The following CCDC3 variants were observed in gnomAD, a reference collection of about 807,000 sequenced individuals.
CCDC3 encodes the protein coiled-coil domain containing 3, also known as coiled-coil domain-containing protein 3.
A neutral mutation model predicts 21.4 loss-of-function variants in CCDC3; 24 were observed. The observed-to-expected ratio is 1.12, with a 90% CI of 0.81 to 1.58. The LOEUF (loss-of-function observed/expected upper bound fraction) is 1.58. CCDC3 is among the 40% of genes most tolerant of loss of function. The probability of loss-of-function intolerance (pLI) is 0.00; values close to 1 mark genes in which losing one functional copy is unlikely to be tolerated. For synonymous variants in CCDC3, 186 were observed against 166.0 expected (o/e 1.12, Z -0.93); for missense variants, 425 against 360.9 (o/e 1.18, Z -1.44).
At chr10:13,082,347 G>A (rs978189360) in intron 3 of CCDC3, among the ~76,000 whole-genome samples, 21 of 152,292 alleles carry the variant, frequency 1.4e-4, no homozygotes, top group African/African-American at 4.6e-4. Context: ...CACAGCTTAC[G>A]CCATTATTTC....
intron 2 of CCDC3, chr10:12,924,929 T>C (rs1834511506): frequency 6.6e-6 from 1 of 152,220 alleles, no homozygotes; most frequent in Non-Finnish European, 1.5e-5. Flanking sequence ...TTAGAGAATT[T>C]CTATGGAGAC....
At chr10:13,018,634 TG>T (rs1307071214) in intron 5 of CCDC3, among the ~76,000 whole-genome samples, 1 of 152,058 alleles carries the variant, frequency 6.6e-6, no homozygotes, top group Admixed American at 6.6e-5. Context: ...GATGGACTAT[TG>T]AAAAATGAAT....
intron 2 of CCDC3, among the ~76,000 whole-genome samples, chr10:12,904,298 C>T (rs1834138009): frequency 6.6e-6 from 1 of 151,602 alleles, no homozygotes; most frequent in Admixed American, 6.6e-5. Flanking sequence ...GAGACCCCAT[C>T]TCTAAAAAAT....
chr10:12,904,606 G>A (rs1834144081), intron 2 of CCDC3, among the ~76,000 whole-genome samples: 1 of 151,616 alleles, frequency 6.6e-6, no homozygotes, highest in Non-Finnish European at 1.5e-5. Context: ...TGGCCTTAAT[G>A]TGGCCTTTTT....
chr10:13,025,272 T>C (rs1439913), intron 5 of CCDC3, among the ~76,000 whole-genome samples: 21,122 of 152,206 alleles, frequency 0.14, 1,561 homozygotes, highest in Middle Eastern at 0.19. Flanking sequence ...GCTTAGGGTT[T>C]CTCATAACAT....
intron 2 of CCDC3, among the ~76,000 whole-genome samples, chr10:12,919,135 C>A (rs545490411): frequency 1.2e-4 from 18 of 152,070 alleles, no homozygotes; most frequent in Non-Finnish European, 2.2e-4. Context: ...TTTAAAATGC[C>A]CACATAATTA....
intron 2 of CCDC3, among the ~76,000 whole-genome samples, chr10:12,904,205 G>C (rs1297853763): frequency 3.9e-5 from 6 of 152,010 alleles, no homozygotes; most frequent in Non-Finnish European, 7.4e-5. Flanking sequence ...GGTGGCTCTC[G>C]CCTGTAATCC....
At chr10:13,071,916 C>T (rs534424839) in intron 4 of CCDC3, among the ~76,000 whole-genome samples, 3 of 152,086 alleles carry the variant, frequency 2.0e-5, no homozygotes, top group Admixed American at 6.5e-5. Context: ...TACTATGAGA[C>T]GCTCCCTTCA....
chr10:13,069,155 T>G (rs764039538), intron 4 of CCDC3, among the ~76,000 whole-genome samples: 6 of 152,204 alleles, frequency 3.9e-5, no homozygotes, highest in Non-Finnish European at 5.9e-5. Context: ...CTCGGGAGGC[T>G]GAGGCAGGAG....
intron 2 of CCDC3, among the ~76,000 whole-genome samples, chr10:12,961,811 C>A (rs561427566): frequency 6.6e-6 from 1 of 152,264 alleles, no homozygotes; most frequent in South Asian, 2.1e-4. Context: ...TGCTCAACCC[C>A]TCATGAAGCT....
At chr10:13,026,600 C>T (rs1487073330) in intron 5 of CCDC3, among the ~76,000 whole-genome samples, 1 of 152,134 alleles carries the variant, frequency 6.6e-6, no homozygotes, top group Non-Finnish European at 1.5e-5. Flanking sequence ...ATAGAAAAGG[C>T]TTGAAATGAC....
intron 5 of CCDC3, among the ~76,000 whole-genome samples, chr10:13,038,374 C>CAAAA (rs58667035): frequency 3.4e-4 from 34 of 98,812 alleles, no homozygotes; most frequent in Non-Finnish European, 3.4e-4. Flanking sequence ...AGTTGGAAAG[C>CAAAA]AAAAAAAAAA....
chr10:13,010,462 T>C (rs1835971131), intron 5 of CCDC3, among the ~76,000 whole-genome samples: 1 of 152,136 alleles, frequency 6.6e-6, no homozygotes, highest in Admixed American at 6.5e-5. Flanking sequence ...TTAAAGATAA[T>C]GACCATACCA....
chr10:12,970,513 A>G (rs1304381491), intron 2 of CCDC3, among the ~76,000 whole-genome samples: 1 of 152,246 alleles, frequency 6.6e-6, no homozygotes, highest in African/African-American at 2.4e-5. Flanking sequence ...GCCATTCTAC[A>G]ACGTATACAT....
chr10:13,079,034 C>T (rs1221854781), intron 3 of CCDC3, among the ~76,000 whole-genome samples: 1 of 151,992 alleles, frequency 6.6e-6, no homozygotes, highest in Non-Finnish European at 1.5e-5. Flanking sequence ...AAATTGCTTC[C>T]CTTCTTTATT....
Position 12,958,219 on chromosome 10 carries a change from C to CA in CCDC3, c.549+40118dup, listed in dbSNP as rs199995257. 3.0e-3 allele frequency among the ~76,000 whole-genome samples: 452 copies of CA among 151,924 alleles called. 11 individuals are homozygous for CA. The East Asian group carries it at 0.056, about 19-fold the overall frequency. On this transcript the variant is annotated intron_variant, in intron 2 of 2. Transcript: ENST00000378825. ...ATACAAAAGTAAACAAACAAACAAA[C>CA]AAAAAAAACCCAACAACCCAAGACC...
chr10:12,936,068 T>C (rs1376887797), intron 2 of CCDC3, among the ~76,000 whole-genome samples: 1 of 151,870 alleles, frequency 6.6e-6, no homozygotes, highest in Non-Finnish European at 1.5e-5. Flanking sequence ...CAGATGCCCA[T>C]TTTTGTATGT....
chr10:13,089,387 T>C (rs1307317286), intron 3 of CCDC3, among the ~76,000 whole-genome samples: 1 of 152,180 alleles, frequency 6.6e-6, no homozygotes, highest in Non-Finnish European at 1.5e-5. Flanking sequence ...ACTATTGTTA[T>C]ATTCTTTGAA....
rs61851346 is a variant in CCDC3, at chr10:12,964,148, G to A, written c.549+34190C>T. ...AACACTTTGGGAGGGTGAAGCAAGC[G>A]GATCACTTGAGGTCGGGAGTTCGAG... On this transcript the variant is annotated intron_variant, in intron 2 of 2. Transcript: ENST00000378825. Among the ~76,000 whole-genome samples, 11 of 151,962 alleles carry A rather than the reference G, an allele frequency of 7.2e-5. No homozygotes were observed. In the East Asian group the frequency reaches 1.6e-3, roughly 22 times the overall value.
Sources: allele counts gnomAD v4.1 joint callset (sites outside exome capture counted in the v4.1 genomes callset), GRCh38; gene constraint gnomAD v4.1.1; transcripts MANE v1.5; gene names NCBI Gene and HGNC (gene_info 2026-07-23, HGNC 2026-07-21).